MICA: variants seen among roughly 807,000 people sequenced by gnomAD.
MICA encodes the protein MHC class I polypeptide-related sequence A.
MICA carries 18 observed loss-of-function variants against 34.3 expected under a neutral mutation model. The ratio of observed to expected loss-of-function variants is 0.52; its 90% CI spans 0.36 to 0.78. MICA has a LOEUF of 0.78. MICA is among the 30% of genes least tolerant of loss of function. The pLI is 0.00. For missense variants in MICA, 333 were observed against 409.4 expected (o/e 0.81, Z 1.61); for synonymous variants, 135 against 156.9 (o/e 0.86, Z 1.04).
Position 31,415,248 on chromosome 6 carries a change from T to TTA in MICA, c.*268_*269dup. 3 of 569,266 alleles carry TTA rather than the reference T, an allele frequency of 5.3e-6. No individual in the cohort carries two copies. In the South Asian group the frequency reaches 5.9e-5, roughly 11 times the overall value. The allele number at this position is 569,266 out of a possible 1,614,324, so 35.3% of individuals were successfully genotyped here. On this transcript the variant is annotated 3_prime_UTR_variant, in exon 6 of 6. Coordinates refer to ENST00000449934, the MANE Select transcript of MICA (RefSeq NM_001177519.3). Reference sequence around the variant, plus strand: ...TATGAAACAGAGAAAATAAAAGCACTTATTTATTGTTGTTGGAGGCTGCAA... The same window carrying TTA: ...TATGAAACAGAGAAAATAAAAGCACTTATATTTATTGTTGTTGGAGGCTGCAA...
chr6:31,405,578 A>T (rs1384711356), intron 1 of MICA, among the ~76,000 whole-genome samples: 3 of 151,806 alleles, frequency 2.0e-5, no homozygotes, highest in Non-Finnish European at 4.4e-5. Context: ...CAATCCCATT[A>T]TGCTCTTTCA....
upstream of MICA, among the ~76,000 whole-genome samples, chr6:31,401,772 G>A (rs1300374995): frequency 1.3e-5 from 2 of 151,812 alleles, no homozygotes; most frequent in African/African-American, 4.8e-5. Context: ...ATCACCTAGG[G>A]AACTTTAAAA....
Position 31,412,049 on chromosome 6 carries a change from G to T in MICA, c.716G>T (p.Trp239Leu). The change falls in exon 4 of 6, where the codon TGG (tryptophan) becomes TTG (leucine). Residue 239 changes from tryptophan to leucine, a missense_variant. Physicochemically the swap from Trp to Leu is moderately conservative, Grantham distance 61. Coordinates refer to ENST00000449934, the MANE Select transcript of MICA (RefSeq NM_001177519.3). ...SFYPRNIILTWRQDGVSLSHD... is the reference protein window; with the variant it reads ...SFYPRNIILTLRQDGVSLSHD... ...TATCCCCGGAATATCATACTGACCT[G>T]GCGTCAGGATGGGGTATCTTTGAGC... The T allele has an allele frequency of 1.2e-6, 2 of 1,613,012 alleles. No individual in the cohort carries two copies. Among genetic ancestry groups the T allele is most frequent in the Non-Finnish European group, 1.7e-6 (2 of 1,179,850 alleles).
chr6:31,413,010 G>T (rs67140765), intron 5 of MICA, among the ~76,000 whole-genome samples: 8,147 of 151,564 alleles, frequency 0.054, 283 homozygotes, highest in Middle Eastern at 0.1. Flanking sequence ...CCCTGCCTGT[G>T]TAGCCCTTTG....
intron 1 of MICA, among the ~76,000 whole-genome samples, chr6:31,404,777 C>T (rs544617012): frequency 7.4e-4 from 113 of 151,944 alleles, no homozygotes; most frequent in African/African-American, 2.6e-3. Flanking sequence ...CCCTCCCCTC[C>T]AGTGCAGATG....
At position 31,411,772 on chromosome 6, in the gene MICA, A is replaced by T. The variant is rs3828881; in HGVS notation, c.614-175A>T. Among the ~76,000 whole-genome samples, 53,468 of 151,598 alleles carry T rather than the reference A, an allele frequency of 0.35. 10,103 individuals are homozygous for T. Among genetic ancestry groups the T allele is most frequent in the African/African-American group, 0.45 (18,409 of 41,194 alleles). On this transcript the variant is annotated intron_variant, in intron 3 of 5. Coordinates refer to ENST00000449934, the MANE Select transcript of MICA (RefSeq NM_001177519.3). The surrounding 1 kb of genome is among the most constrained non-coding windows in gnomAD (Gnocchi z 4.3). ...CCCAGAGCCTGAGGCCACAGTCCCA[A>T]GGCCCATCCTCCTGCCAGCCTGGAA...
At chr6:31,413,139 G>A (rs931891825) in intron 5 of MICA, among the ~76,000 whole-genome samples, 1 of 151,824 alleles carries the variant, frequency 6.6e-6, no homozygotes, top group Non-Finnish European at 1.5e-5. Context: ...TGCACCATTC[G>A]AGGCCCTACT....
At chr6:31,407,081 C>A (rs1444573296) in intron 1 of MICA, among the ~76,000 whole-genome samples, 1 of 151,710 alleles carries the variant, frequency 6.6e-6, no homozygotes, top group Non-Finnish European at 1.5e-5. Flanking sequence ...TTTATTATTT[C>A]TGTGAAGAAT....
chr6:31,410,612 C>T lies in MICA; in HGVS notation c.140C>T (p.Ala47Val). 5 of 1,613,538 alleles carry T rather than the reference C, an allele frequency of 3.1e-6. No individual in the cohort carries two copies. The highest frequency in any genetic ancestry group is 1.1e-5 in the South Asian group (1 of 91,056). Residue 47 changes from alanine (A) to valine (V), a missense_variant, in exon 2 of 6, where the codon GCT becomes GTT. Ala to Val is a moderately conservative substitution (Grantham distance 64, BLOSUM62 0). Coordinates refer to ENST00000449934, the MANE Select transcript of MICA (RefSeq NM_001177519.3). ...WDGSVQSGFL[A>V]EVHLDGQPFL... Reference sequence around the variant, plus strand: ...GGATCTGTGCAGTCAGGGTTTCTTGCTGAGGTACATCTGGATGGTCAGCCC... The same window carrying T: ...GGATCTGTGCAGTCAGGGTTTCTTGTTGAGGTACATCTGGATGGTCAGCCC...
At position 31,412,383 on chromosome 6, in the gene MICA, T is replaced by C; in HGVS notation, c.951T>C (p.Ala317=). The change falls in exon 5 of 6, where the codon GCT becomes GCC. Residue 317 remains alanine (A), a synonymous_variant. Coordinates refer to ENST00000449934, the MANE Select transcript of MICA (RefSeq NM_001177519.3). The part of the protein sequence containing the change: ...WQTFHVSAVA[A]GCCYFCYYYF... The stretch of plus-strand genomic sequence containing the variant: ...CATTCCATGTTTCTGCTGTTGCTGC[T>C]GGCTGCTGCTATTTTTGTTATTATT... 1 of 1,257,038 alleles carries C rather than the reference T, an allele frequency of 8.0e-7. No individual in the cohort carries two copies. The highest frequency in any genetic ancestry group is 1.1e-6 in the Non-Finnish European group (1 of 936,316). 77.9% of individuals were successfully genotyped at this position (1,257,038 alleles called of 1,614,324 possible).
intron 1 of MICA, 87 bp from the exon 2 acceptor site, chr6:31,410,456 A>G (rs17206497): frequency 6.1e-5 from 92 of 1,515,732 alleles, no homozygotes; most frequent in Non-Finnish European, 7.6e-5. Context: ...CTGCCCCAGG[A>G]AGGTTGGGAC....
intron 5 of MICA, among the ~76,000 whole-genome samples, 189 bp from the exon 6 acceptor site, chr6:31,414,823 G>A (rs1255709079): frequency 6.6e-6 from 1 of 151,862 alleles, no homozygotes; most frequent in Non-Finnish European, 1.5e-5. Flanking sequence ...TGATGTTGAT[G>A]GAGTGATGGG....
At chr6:31,405,972 CT>C (rs1770726513) in intron 1 of MICA, among the ~76,000 whole-genome samples, 1 of 151,906 alleles carries the variant, frequency 6.6e-6, no homozygotes, top group Non-Finnish European at 1.5e-5. Flanking sequence ...GCTTGCAGAT[CT>C]TGGCTACTTT....
At chr6:31,400,976 C>T (rs148616438), upstream of MICA, among the ~76,000 whole-genome samples, 55 of 152,002 alleles carry the variant, frequency 3.6e-4, no homozygotes, top group Middle Eastern at 3.4e-3. Flanking sequence ...AGAGGACTGG[C>T]TTCATGACTC....
Position 31,411,111 on chromosome 6 carries a change from A to T in MICA, c.365A>T (p.His122Leu), listed in dbSNP as rs1474745456. Residue 122 changes from histidine to leucine, a missense_variant, in exon 3 of 6, where the codon CAT becomes CTT. Physicochemically the swap from His to Leu is moderately conservative, Grantham distance 99 (BLOSUM62 -3). Transcript: ENST00000449934. The surrounding 1 kb of genome is among the most constrained non-coding windows in gnomAD (Gnocchi z 4.3). ...CAGGAGATTAGGGTCTGTGAGATCCATGAAGACAACAGCACCAGGAGCTCC... is the reference window on the plus strand; with the variant it reads ...CAGGAGATTAGGGTCTGTGAGATCCTTGAAGACAACAGCACCAGGAGCTCC... ...SLQEIRVCEIHEDNSTRSSQH... is the reference protein window; with the variant it reads ...SLQEIRVCEILEDNSTRSSQH... 3.7e-6 allele frequency: 6 copies of T among 1,608,320 alleles called. No homozygotes were observed. The highest frequency in any genetic ancestry group is 5.1e-6 in the Non-Finnish European group (6 of 1,178,110).
Position 31,415,141 on chromosome 6 carries a change from C to T in MICA, c.*159C>T. ...ACTGGCTCCACTGAGGGCACCTAGACTCTACAGCCAGGCGGCTGGAATTGA... is the reference window on the plus strand; with the variant it reads ...ACTGGCTCCACTGAGGGCACCTAGATTCTACAGCCAGGCGGCTGGAATTGA... On this transcript the variant is annotated 3_prime_UTR_variant, in exon 6 of 6. Transcript: ENST00000449934. The T allele has an allele frequency of 9.8e-7, 1 of 1,023,968 alleles. No individual in the cohort carries two copies. The highest frequency in any genetic ancestry group is 1.5e-6 in the Non-Finnish European group (1 of 660,458). 63.4% of individuals were successfully genotyped at this position (1,023,968 alleles called of 1,614,324 possible). A position where few individuals can be genotyped will look rare whatever the true frequency, so the allele number is the denominator to read the frequency against.
intron 1 of MICA, among the ~76,000 whole-genome samples, chr6:31,409,309 C>CTGTGTGTGTGTGTG (rs35508435): frequency 0.025 from 3,764 of 149,646 alleles, 92 homozygotes; most frequent in Non-Finnish European, 0.035. Flanking sequence ...CAACCTTGCT[C>CTGTGTGTGTGTGTG]TGTGTGTGTG....
intron 5 of MICA, among the ~76,000 whole-genome samples, chr6:31,413,286 C>A (rs760763283): frequency 6.6e-6 from 1 of 151,876 alleles, no homozygotes; most frequent in African/African-American, 2.4e-5. Flanking sequence ...CTGTTTTCAT[C>A]CTACCTCCGA....
intron 1 of MICA, among the ~76,000 whole-genome samples, chr6:31,406,406 A>C (rs1770751158): frequency 8.2e-6 from 1 of 121,692 alleles, no homozygotes; most frequent in Non-Finnish European, 1.7e-5. Flanking sequence ...TTGGATTATT[A>C]TATTTTTTTT....
Sources: gnomAD v4.1 joint callset for allele counts (sites outside exome capture counted in the v4.1 genomes callset) on GRCh38, gnomAD v4.1.1 for gene constraint, Gnocchi (gnomAD v3.1) non-coding constraint, MANE v1.5 for transcripts, NCBI Gene and HGNC (gene_info 2026-07-23, HGNC 2026-07-21) for gene names.